KCNMA1: variants seen among roughly 807,000 people sequenced by gnomAD.
The protein encoded by KCNMA1 is Calcium-activated potassium channel subunit alpha-1.
In KCNMA1, 29 loss-of-function variants were observed where a neutral mutation model predicts 140.0. The observed-to-expected ratio is 0.21, with a 90% CI of 0.15 to 0.28. The LOEUF (loss-of-function observed/expected upper bound fraction) is 0.28, where lower values mean the gene tolerates loss of function less well. KCNMA1 is among the 10% of genes least tolerant of loss of function. The pLI is 1.00. For synonymous variants in KCNMA1, 612 were observed against 611.9 expected (o/e 1.00, Z 0.00); for missense variants, 880 against 1,602.2 (o/e 0.55, Z 7.70).
intron 5 of KCNMA1, among the ~76,000 whole-genome samples, chr10:77,173,616 C>A (rs1213996276): frequency 6.6e-6 from 1 of 152,158 alleles, no homozygotes; most frequent in East Asian, 1.9e-4. Flanking sequence ...CCCCCCAACC[C>A]CCACTCTCCT....
intron 22 of KCNMA1, among the ~76,000 whole-genome samples, chr10:76,946,523 C>T (rs1019184922): frequency 2.0e-5 from 3 of 152,200 alleles, no homozygotes; most frequent in African/African-American, 7.2e-5. Context: ...ATTCTATTCT[C>T]AGGCCCTAAA....
chr10:77,057,211 A>G (rs2095572038), intron 14 of KCNMA1, among the ~76,000 whole-genome samples: 1 of 152,194 alleles, frequency 6.6e-6, no homozygotes, highest in African/African-American at 2.4e-5. Context: ...ATAGGTAACC[A>G]CAATTCAAAT....
intron 23 of KCNMA1, among the ~76,000 whole-genome samples, chr10:76,942,464 T>C (rs2062781532): frequency 6.6e-6 from 1 of 152,192 alleles, no homozygotes; most frequent in Non-Finnish European, 1.5e-5. Context: ...AGAGTGCCCT[T>C]TTTTTCTTTG....
chr10:77,271,669 C>T (rs1414112566), intron 2 of KCNMA1, among the ~76,000 whole-genome samples: 1 of 152,162 alleles, frequency 6.6e-6, no homozygotes, highest in Non-Finnish European at 1.5e-5. Context: ...TCAATGGCTG[C>T]CAGTTGGTTG....
chr10:77,472,118 G>A (rs562435581), intron 1 of KCNMA1, among the ~76,000 whole-genome samples: 13 of 143,738 alleles, frequency 9.0e-5, no homozygotes, highest in South Asian at 4.6e-4. Context: ...CACACACCAC[G>A]CATTCTGCAC....
At chr10:76,881,964 TG>T (rs1295587824), downstream of KCNMA1, among the ~76,000 whole-genome samples, 1 of 152,170 alleles carries the variant, frequency 6.6e-6, no homozygotes, top group African/African-American at 2.4e-5. Flanking sequence ...CTATCCCATC[TG>T]AGAGCCATCT....
intron 1 of KCNMA1, among the ~76,000 whole-genome samples, chr10:77,490,027 T>C (rs1035628024): frequency 7.2e-5 from 11 of 152,198 alleles, no homozygotes; most frequent in African/African-American, 2.7e-4. Flanking sequence ...TGAGGAGGGT[T>C]ATCCTGTGTA....
At chr10:77,633,813 C>T (rs574280704) in intron 1 of KCNMA1, among the ~76,000 whole-genome samples, 47 of 152,282 alleles carry the variant, frequency 3.1e-4, no homozygotes, top group African/African-American at 1.0e-3. Context: ...CTCAACAAAC[C>T]ACAGCTCCAA....
intron 1 of KCNMA1, among the ~76,000 whole-genome samples, chr10:77,624,536 T>C (rs2092162154): frequency 6.6e-6 from 1 of 152,260 alleles, no homozygotes; most frequent in Middle Eastern, 3.4e-3. Flanking sequence ...CACTCTTGTG[T>C]TTTATAGTAG....
chr10:77,396,663 A>G (rs926234427), intron 2 of KCNMA1, among the ~76,000 whole-genome samples: 1 of 152,250 alleles, frequency 6.6e-6, no homozygotes, highest in Non-Finnish European at 1.5e-5. Context: ...GGCTATGTAT[A>G]TAACGTTAAT....
intron 1 of KCNMA1, among the ~76,000 whole-genome samples, chr10:77,597,825 CTG>C (rs2081371708): frequency 1.3e-5 from 2 of 152,334 alleles, no homozygotes; most frequent in East Asian, 1.9e-4. Flanking sequence ...CTTTTGGTCT[CTG>C]TGCAAAACTG....
intron 15 of KCNMA1, among the ~76,000 whole-genome samples, chr10:77,037,610 C>G (rs2094420973): frequency 6.6e-6 from 1 of 152,006 alleles, no homozygotes; most frequent in African/African-American, 2.4e-5. Flanking sequence ...GGAGGGAGCA[C>G]TCTTGTTAGA....
At chr10:77,229,889 A>T (rs1345364650) in intron 3 of KCNMA1, among the ~76,000 whole-genome samples, 1 of 152,212 alleles carries the variant, frequency 6.6e-6, no homozygotes, top group Admixed American at 6.5e-5. Context: ...TAGTTTAGTG[A>T]TTCATCAAAA....
intron 1 of KCNMA1, among the ~76,000 whole-genome samples, chr10:77,562,961 G>C (rs1313572691): frequency 2.0e-5 from 3 of 151,924 alleles, no homozygotes; most frequent in Non-Finnish European, 4.4e-5. Context: ...ATCATCCCTT[G>C]CCCAGAACAG....
At chr10:76,916,623 A>C (rs2053039875) in intron 23 of KCNMA1, among the ~76,000 whole-genome samples, 1 of 152,186 alleles carries the variant, frequency 6.6e-6, no homozygotes, top group Non-Finnish European at 1.5e-5. Context: ...CCAATGAATT[A>C]GGGACTTTTA....
At chr10:76,932,184 T>C (rs2059447518) in intron 23 of KCNMA1, among the ~76,000 whole-genome samples, 1 of 152,154 alleles carries the variant, frequency 6.6e-6, no homozygotes, top group Admixed American at 6.5e-5. Flanking sequence ...ATGACAATAT[T>C]TTTTCCCAGC....
chr10:77,343,024 C>T (rs1318306542), intron 2 of KCNMA1, among the ~76,000 whole-genome samples: 1 of 152,154 alleles, frequency 6.6e-6, no homozygotes, highest in Non-Finnish European at 1.5e-5. Flanking sequence ...CCACTTTCCT[C>T]AGGGATCTCT....
intron 5 of KCNMA1, among the ~76,000 whole-genome samples, chr10:77,146,125 A>G (rs1298516935): frequency 6.6e-6 from 1 of 152,208 alleles, no homozygotes; most frequent in East Asian, 1.9e-4. Flanking sequence ...AGTCTTGAGG[A>G]GCTGTTTACA....
At chr10:77,049,671 A>G (rs2095280654) in intron 14 of KCNMA1, among the ~76,000 whole-genome samples, 1 of 152,214 alleles carries the variant, frequency 6.6e-6, no homozygotes, top group Admixed American at 6.5e-5. Flanking sequence ...TAAAGAAACA[A>G]GAACAATTTT....
Sources: allele counts gnomAD v4.1 joint callset (sites outside exome capture counted in the v4.1 genomes callset), GRCh38; gene constraint gnomAD v4.1.1; transcripts MANE v1.5; gene names NCBI Gene and HGNC (gene_info 2026-07-23, HGNC 2026-07-21).